Variants in TCEANC2 observed in about 807,000 individuals in gnomAD.
TCEANC2 encodes transcription elongation factor A N-terminal and central domain containing 2.
A neutral mutation model predicts 22.8 loss-of-function variants in TCEANC2; 20 were observed. The ratio of observed to expected loss-of-function variants is 0.88; its 90% CI spans 0.62 to 1.28. TCEANC2 has a LOEUF of 1.28. Among genes scored for constraint, TCEANC2 ranks in the 50% most tolerant of loss-of-function variants. TCEANC2 has a pLI of 0.00. For synonymous variants in TCEANC2, 84 were observed against 95.5 expected, an observed-to-expected ratio of 0.88 and a Z score of 0.70; for missense variants, 251 against 249.7, an observed-to-expected ratio of 1.01 and a Z score of -0.03.
At chr1:54,067,853 C>T (rs906986466) in intron 2 of TCEANC2, among the ~76,000 whole-genome samples, 2 of 152,162 alleles carry the variant, frequency 1.3e-5, no homozygotes, top group African/African-American at 4.8e-5. Context: ...ACAGTATTAC[C>T]AGAATCCCAG....
intron 2 of TCEANC2, among the ~76,000 whole-genome samples, chr1:54,065,197 GAA>G (rs1657930530): frequency 6.6e-6 from 1 of 152,054 alleles, no homozygotes; most frequent in Non-Finnish European, 1.5e-5. Context: ...TATTGAAGCA[GAA>G]ACACATCAAA....
intron 3 of TCEANC2, among the ~76,000 whole-genome samples, chr1:54,071,488 A>C (rs1658055076): frequency 6.6e-6 from 1 of 152,164 alleles, no homozygotes; most frequent in South Asian, 2.1e-4. Context: ...ATGACATGGC[A>C]GCTGACTTTC....
rs1657999875 is a variant in TCEANC2 at position 54,068,679 on chromosome 1, C to G, written c.103-77C>G. On this transcript the variant is annotated intron_variant, in intron 2 of 4. Transcript: ENST00000234827. ...TCAATAATTCATATGTCAATAGGAGCCCCATTAGCTCAGGTGAAGGCAGAT... is the reference window on the plus strand; with the variant it reads ...TCAATAATTCATATGTCAATAGGAGGCCCATTAGCTCAGGTGAAGGCAGAT... The G allele has an allele frequency of 3.5e-6, 5 of 1,412,070 alleles. No homozygotes were observed. In the South Asian group the frequency reaches 7.6e-5, roughly 22 times the overall value. 87.5% of individuals were successfully genotyped at this position (1,412,070 alleles called of 1,614,324 possible).
At chr1:54,082,970 G>A (rs910613068) in intron 3 of TCEANC2, among the ~76,000 whole-genome samples, 1 of 152,204 alleles carries the variant, frequency 6.6e-6, no homozygotes, top group Admixed American at 6.5e-5. Flanking sequence ...GTGGAGAAGT[G>A]ATGAGAACCT....
chr1:54,110,657 C>T (rs945156149), downstream of TCEANC2, among the ~76,000 whole-genome samples: 3 of 152,136 alleles, frequency 2.0e-5, no homozygotes, highest in Admixed American at 1.3e-4. Context: ...CCAATGTCTC[C>T]GATCACCCTA....
At chr1:54,059,843 A>G (rs1171460957) in intron 2 of TCEANC2, among the ~76,000 whole-genome samples, 1 of 152,244 alleles carries the variant, frequency 6.6e-6, no homozygotes, top group Non-Finnish European at 1.5e-5. Context: ...ATAGTAAAGT[A>G]TTCTACAAAT....
intron 3 of TCEANC2, among the ~76,000 whole-genome samples, chr1:54,073,802 G>C (rs188361033): frequency 6.6e-6 from 1 of 152,206 alleles, no homozygotes; most frequent in Non-Finnish European, 1.5e-5. Context: ...TAAGAAATGA[G>C]AGTGGCCTGG....
chr1:54,084,835 AT>A (rs1658309888), intron 3 of TCEANC2, among the ~76,000 whole-genome samples: 1 of 152,064 alleles, frequency 6.6e-6, no homozygotes. Context: ...CTTATTTATC[AT>A]TTTATTTTTA....
At chr1:54,081,904 C>G (rs768732727) in intron 3 of TCEANC2, among the ~76,000 whole-genome samples, 1 of 152,196 alleles carries the variant, frequency 6.6e-6, no homozygotes, top group East Asian at 1.9e-4. Context: ...TTCTGTCCTT[C>G]GGCCACCTCT....
rs558500876 is a variant in TCEANC2, at chr1:54,096,736, C to T, written c.*263C>T. On this transcript the variant is annotated 3_prime_UTR_variant, in exon 5 of 5. Coordinates refer to ENST00000234827, the MANE Select transcript of TCEANC2 (RefSeq NM_153035.3). The surrounding 1 kb of genome is among the most constrained non-coding windows in gnomAD (Gnocchi z 4.9). ...GGAAGCGCCATACGGTTGCTATCAC[C>T]CAACATGGTGAAAGGGTGATGGATT... 1 of 1,180,784 alleles carries T rather than the reference C, an allele frequency of 8.5e-7. No individual in the cohort carries two copies. The highest frequency in any genetic ancestry group is 1.5e-5 in the African/African-American group (1 of 64,708). The allele number at this position is 1,180,784 out of a possible 1,614,324, so 73.1% of individuals were successfully genotyped here.
At chr1:54,055,100 C>T (rs1657724359) in intron 2 of TCEANC2, among the ~76,000 whole-genome samples, 1 of 152,190 alleles carries the variant, frequency 6.6e-6, no homozygotes, top group Admixed American at 6.5e-5. Flanking sequence ...GCCTCAGCCT[C>T]CCAAGTAGCT....
intron 2 of TCEANC2, among the ~76,000 whole-genome samples, chr1:54,064,664 G>A (rs906236248): frequency 2.0e-5 from 3 of 149,968 alleles, no homozygotes; most frequent in Admixed American, 6.6e-5. Flanking sequence ...CTAGGCAAGC[G>A]ACCGGTTTTG....
intron 2 of TCEANC2, among the ~76,000 whole-genome samples, chr1:54,057,720 A>G (rs747170752): frequency 2.0e-5 from 3 of 152,166 alleles, no homozygotes; most frequent in Non-Finnish European, 4.4e-5. Context: ...TAATCCTTCA[A>G]TAATTTCTCA....
rs1246848271 is a variant in TCEANC2, at chr1:54,068,788, G to T, written c.135G>T (p.Trp45Cys). 6.2e-7 allele frequency: 1 copy of T among 1,607,778 alleles called. No individual in the cohort carries two copies. Among genetic ancestry groups the T allele is most frequent in the African/African-American group, 1.3e-5 (1 of 74,414 alleles). ...RVVVVEDIKR[W>C]KTMLELPDQT... ...TGGTTGTAGAAGACATAAAAAGATG[G>T]AAAACTATGCTGGAGCTTCCTGATC... The change falls in exon 3 of 5, where the codon TGG becomes TGT. Residue 45 changes from tryptophan (W) to cysteine (C), a missense_variant. Physicochemically the swap from Trp to Cys is radical, Grantham distance 215. Transcript: ENST00000234827.
At chr1:54,072,332 C>T (rs1358034682) in intron 3 of TCEANC2, among the ~76,000 whole-genome samples, 1 of 152,010 alleles carries the variant, frequency 6.6e-6, no homozygotes, top group Admixed American at 6.6e-5. Flanking sequence ...TGCTATTTAG[C>T]CCATTTGTTC....
intron 2 of TCEANC2, among the ~76,000 whole-genome samples, chr1:54,057,881 C>T (rs1247469425): frequency 6.6e-6 from 1 of 152,182 alleles, no homozygotes; most frequent in Non-Finnish European, 1.5e-5. Flanking sequence ...GTGCTCTTTC[C>T]TTCCTCTGTG....
At chr1:54,087,888 TCTC>T (rs1209933429) in intron 3 of TCEANC2, among the ~76,000 whole-genome samples, 1 of 152,252 alleles carries the variant, frequency 6.6e-6, no homozygotes, top group Non-Finnish European at 1.5e-5. Context: ...TTCCTCTGTC[TCTC>T]CTATTTCCTA....
chr1:54,087,865 A>G (rs1195740754), intron 3 of TCEANC2, among the ~76,000 whole-genome samples: 1 of 152,228 alleles, frequency 6.6e-6, no homozygotes, highest in Non-Finnish European at 1.5e-5. Flanking sequence ...TCTTCATACT[A>G]CAATTTAATT....
rs180701631 is a variant in TCEANC2, at chr1:54,078,028, T to C, written c.244+9131T>C. Among the ~76,000 whole-genome samples, 68 of 152,364 alleles carry C rather than the reference T, an allele frequency of 4.5e-4. 1 individual carries two copies. Among genetic ancestry groups the C allele is most frequent in the Middle Eastern group, 6.8e-3 (2 of 294 alleles). ...GAATCTTAGATTTTTAGAAAGGTTGTTCCAATTTACATTCCTACCATTTTC... is the reference window on the plus strand; with the variant it reads ...GAATCTTAGATTTTTAGAAAGGTTGCTCCAATTTACATTCCTACCATTTTC... On this transcript the variant is annotated intron_variant, in intron 3 of 4. Coordinates refer to ENST00000234827, the MANE Select transcript of TCEANC2 (RefSeq NM_153035.3).
Sources: allele counts gnomAD v4.1 joint callset (sites outside exome capture counted in the v4.1 genomes callset), GRCh38; gene constraint gnomAD v4.1.1; non-coding constraint Gnocchi (gnomAD v3.1); transcripts MANE v1.5; gene names NCBI Gene and HGNC (gene_info 2026-07-23, HGNC 2026-07-21).